OTUD7A: variants seen among roughly 807,000 people sequenced by gnomAD.
The protein encoded by OTUD7A is OTU deubiquitinase 7A.
A neutral mutation model predicts 65.7 loss-of-function variants in OTUD7A; 12 were observed. The observed-to-expected ratio is 0.18, with a 90% CI of 0.12 to 0.30. The LOEUF (loss-of-function observed/expected upper bound fraction) is 0.30. Among genes scored for constraint, OTUD7A ranks in the 10% least tolerant of loss-of-function variants. OTUD7A has a pLI of 1.00. For synonymous variants in OTUD7A, 641 were observed against 586.3 expected (o/e 1.09, Z -1.35); for missense variants, 1,148 against 1,304.8 (o/e 0.88, Z 1.85).
chr15:31,646,199 C>G (rs955512729), intron 3 of OTUD7A, among the ~76,000 whole-genome samples: 2 of 151,972 alleles, frequency 1.3e-5, no homozygotes, highest in Non-Finnish European at 2.9e-5. Flanking sequence ...GGCTGGGGCT[C>G]TCAGCCATGT....
At chr15:31,568,540 G>A (rs1340942538) in intron 4 of OTUD7A, among the ~76,000 whole-genome samples, 1 of 152,226 alleles carries the variant, frequency 6.6e-6, no homozygotes, top group Admixed American at 6.5e-5. Context: ...GACTTTGAGG[G>A]ACTGTTGGGA....
intron 1 of OTUD7A, among the ~76,000 whole-genome samples, chr15:31,781,941 G>A (rs79850668): frequency 0.021 from 3,251 of 152,356 alleles, 111 homozygotes; most frequent in African/African-American, 0.074. Flanking sequence ...ATACTGCCAA[G>A]TGGTTTTCCT....
intron 3 of OTUD7A, among the ~76,000 whole-genome samples, chr15:31,632,310 C>G (rs1285847820): frequency 2.0e-5 from 3 of 152,232 alleles, no homozygotes; most frequent in African/African-American, 7.2e-5. Flanking sequence ...TTCTAACAGA[C>G]AGGACCCTCA....
At chr15:31,767,180 A>G in intron 1 of OTUD7A, 1 of 1,194,450 alleles carries the variant, frequency 8.4e-7, no homozygotes, top group South Asian at 1.3e-5. Flanking sequence ...AGGAACTCAA[A>G]TTGTTTAAGT....
chr15:31,497,652 G>A (rs1277202519), intron 10 of OTUD7A, among the ~76,000 whole-genome samples: 1 of 152,108 alleles, frequency 6.6e-6, no homozygotes, highest in East Asian at 1.9e-4. Flanking sequence ...GAAGGTTCCT[G>A]AGTCCTGGGT....
At chr15:31,588,238 G>C (rs1312429347) in intron 3 of OTUD7A, among the ~76,000 whole-genome samples, 1 of 152,188 alleles carries the variant, frequency 6.6e-6, no homozygotes, top group Non-Finnish European at 1.5e-5. Context: ...AGGAGTCTCA[G>C]GAATATCTTG....
rs185001325 is a variant in OTUD7A, at chr15:31,831,108, T to C, written c.-100+39399A>G. Among the ~76,000 whole-genome samples the C allele has an allele frequency of 9.1e-4, 139 of 152,242 alleles. 1 individual carries two copies. The highest frequency in any genetic ancestry group is 2.9e-3 in the African/African-American group (122 of 41,534). On this transcript the variant is annotated intron_variant, in intron 1 of 12. Coordinates refer to ENST00000307050, the MANE Select transcript of OTUD7A (RefSeq NM_001382637.1). ...ATGCTGAAAAATTTGGGTATCCACA[T>C]AGAAAAAAGAAACTTGAATCCCTAC...
chr15:31,826,758 G>T (rs1371157690), intron 1 of OTUD7A, among the ~76,000 whole-genome samples: 2 of 152,206 alleles, frequency 1.3e-5, no homozygotes, highest in African/African-American at 4.8e-5. Context: ...CCGCTTGAAT[G>T]CTTTGCTGCT....
At position 31,710,996 on chromosome 15, in the gene OTUD7A, C is replaced by T. The variant is rs546809108; in HGVS notation, c.-99-53919G>A. Among the ~76,000 whole-genome samples the T allele has an allele frequency of 3.7e-3, 558 of 152,046 alleles. 4 individuals are homozygous for T. Among genetic ancestry groups the T allele is most frequent in the African/African-American group, 0.013 (530 of 41,466 alleles). Reference sequence around the variant, plus strand: ...TGGTGGGTGCCTGTCCTTCAGAACACTCACCTGAGGAGCATGTGCAGGTGT... The same window carrying T: ...TGGTGGGTGCCTGTCCTTCAGAACATTCACCTGAGGAGCATGTGCAGGTGT... On this transcript the variant is annotated intron_variant, in intron 1 of 12. Transcript: ENST00000307050.
intron 3 of OTUD7A, among the ~76,000 whole-genome samples, chr15:31,606,237 A>G (rs1445284957): frequency 6.6e-6 from 1 of 152,144 alleles, no homozygotes; most frequent in Non-Finnish European, 1.5e-5. Flanking sequence ...TTGTTTAACT[A>G]TTTTACCATC....
At chr15:31,590,320 T>G (rs1440103975) in intron 3 of OTUD7A, among the ~76,000 whole-genome samples, 1 of 152,254 alleles carries the variant, frequency 6.6e-6, no homozygotes, top group African/African-American at 2.4e-5. Context: ...TGTGCAATGA[T>G]GAAATTACCA....
At chr15:31,579,752 G>A (rs1428530818) in intron 3 of OTUD7A, among the ~76,000 whole-genome samples, 1 of 152,146 alleles carries the variant, frequency 6.6e-6, no homozygotes, top group East Asian at 1.9e-4. Context: ...ACATACAATA[G>A]CTCCCCTAAT....
intron 3 of OTUD7A, among the ~76,000 whole-genome samples, chr15:31,580,621 C>T (rs2141183869): frequency 6.6e-6 from 1 of 152,254 alleles, no homozygotes; most frequent in East Asian, 1.9e-4. Flanking sequence ...GCCTGACAAT[C>T]ATGGTGGAAG....
At chr15:31,759,708 T>G (rs144273351) in intron 1 of OTUD7A, among the ~76,000 whole-genome samples, 2 of 152,114 alleles carry the variant, frequency 1.3e-5, no homozygotes, top group African/African-American at 4.8e-5. Flanking sequence ...ATCTTTTGTA[T>G]AGTAGTGCAG....
chr15:31,537,526 C>T (rs898699482), intron 5 of OTUD7A, among the ~76,000 whole-genome samples: 5 of 152,106 alleles, frequency 3.3e-5, no homozygotes, highest in African/African-American at 1.2e-4. Context: ...CTGGATGGAC[C>T]GTTGTGGACG....
intron 12 of OTUD7A, among the ~76,000 whole-genome samples, chr15:31,485,431 C>T (rs1176778482): frequency 1.3e-5 from 2 of 152,144 alleles, no homozygotes; most frequent in Non-Finnish European, 2.9e-5. Context: ...AATAGGCCTG[C>T]GCTCAGCAAA....
chr15:31,511,068 T>TATCTATATGTAACATACATAC (rs1566892817), intron 8 of OTUD7A, among the ~76,000 whole-genome samples: 1 of 69,294 alleles, frequency 1.4e-5, no homozygotes, highest in Non-Finnish European at 2.6e-5. Flanking sequence ...AACATACATA[T>TATCTATATGTAACATACATAC]ATATGTATAT....
At chr15:31,573,762 A>G (rs533026996) in intron 3 of OTUD7A, among the ~76,000 whole-genome samples, 98 of 152,308 alleles carry the variant, frequency 6.4e-4, no homozygotes, top group Non-Finnish European at 1.2e-3. Context: ...TTACCTGGAC[A>G]TGGTGGGACA....
intron 5 of OTUD7A, among the ~76,000 whole-genome samples, chr15:31,532,500 C>T (rs28893260): frequency 0.39 from 59,444 of 151,348 alleles, 12,157 homozygotes; most frequent in East Asian, 0.68. Flanking sequence ...ACATAGAAAT[C>T]ACCCAATTTG....
Sources: gnomAD v4.1 joint callset for allele counts (sites outside exome capture counted in the v4.1 genomes callset) on GRCh38, gnomAD v4.1.1 for gene constraint, MANE v1.5 for transcripts, NCBI Gene and HGNC (gene_info 2026-07-23, HGNC 2026-07-21) for gene names.